The following DNAAF9 variants were observed in gnomAD, a reference collection of about 807,000 sequenced individuals.
The protein encoded by DNAAF9 is shulin.
A neutral mutation model predicts 167.0 loss-of-function variants in DNAAF9; 90 were observed. The observed-to-expected ratio is 0.54, with a 90% CI of 0.45 to 0.64. The LOEUF is 0.64. Among genes scored for constraint, DNAAF9 ranks in the 30% least tolerant of loss-of-function variants. The pLI, the probability that DNAAF9 is intolerant of heterozygous loss-of-function variation, is 0.00. For synonymous variants in DNAAF9, 491 were observed against 508.8 expected, an observed-to-expected ratio of 0.96 and a Z score of 0.47; for missense variants, 1,315 against 1,442.2, an observed-to-expected ratio of 0.91 and a Z score of 1.43.
chr20:3,381,078 T>G (rs912658362), intron 3 of DNAAF9, among the ~76,000 whole-genome samples: 5 of 152,206 alleles, frequency 3.3e-5, no homozygotes, highest in African/African-American at 9.6e-5. Flanking sequence ...ACCGTTAGCA[T>G]GTAGAGGCAA....
rs572882898 is a variant in DNAAF9, at chr20:3,362,994, C to T, written c.613-3401G>A. Among the ~76,000 whole-genome samples the T allele has an allele frequency of 9.9e-5, 15 of 151,908 alleles. No homozygotes were observed. The South Asian group carries it at 3.1e-3, about 32-fold the overall frequency. On this transcript the variant is annotated intron_variant, in intron 6 of 36. Transcript: ENST00000252032. ...TTGTAATCCCAGCAATTTGGGAGGC[C>T]GAGGCGGGCAGATCACCTCAGGTCA...
chr20:3,341,627 T>C (rs1243890551), intron 9 of DNAAF9, among the ~76,000 whole-genome samples: 1 of 152,190 alleles, frequency 6.6e-6, no homozygotes, highest in Non-Finnish European at 1.5e-5. Flanking sequence ...AAAGCCTTCC[T>C]ATTTAACCAT....
At chr20:3,323,172 A>T (rs1262717609) in intron 14 of DNAAF9, among the ~76,000 whole-genome samples, 4 of 149,696 alleles carry the variant, frequency 2.7e-5, no homozygotes, top group Non-Finnish European at 5.9e-5. Context: ...CTAGATAGCT[A>T]CACACTAATT....
At chr20:3,271,959 T>C (rs2068601966) in intron 29 of DNAAF9, among the ~76,000 whole-genome samples, 1 of 151,928 alleles carries the variant, frequency 6.6e-6, no homozygotes, top group Non-Finnish European at 1.5e-5. Context: ...CATACACAAC[T>C]AGAAAAATAG....
intron 12 of DNAAF9, among the ~76,000 whole-genome samples, chr20:3,329,288 C>T (rs560253209): frequency 6.6e-6 from 1 of 152,312 alleles, no homozygotes; most frequent in South Asian, 2.1e-4. Context: ...CTGCCTCAGC[C>T]TCCCAAGTAG....
intron 15 of DNAAF9, 44 bp downstream of exon 15, chr20:3,322,608 T>C (rs1555791967): frequency 2.7e-6 from 4 of 1,471,316 alleles, no homozygotes; most frequent in South Asian, 1.1e-5. Context: ...TTTATCTTCC[T>C]AAAACTTGCT....
chr20:3,346,789 G>T (rs756438161), intron 8 of DNAAF9, among the ~76,000 whole-genome samples: 1 of 152,120 alleles, frequency 6.6e-6, no homozygotes, highest in Non-Finnish European at 1.5e-5. Flanking sequence ...AGTATACCTT[G>T]TGGAATCTCT....
intron 9 of DNAAF9, among the ~76,000 whole-genome samples, chr20:3,341,427 C>A (rs2070083434): frequency 6.6e-6 from 1 of 152,162 alleles, no homozygotes. Flanking sequence ...CACCTGGTCT[C>A]CGAATAGTCC....
chr20:3,383,259 C>T (rs2083686739), intron 1 of DNAAF9, among the ~76,000 whole-genome samples: 1 of 148,174 alleles, frequency 6.7e-6, no homozygotes, highest in African/African-American at 2.5e-5. Context: ...CTCTAATACT[C>T]ATTCCCTAAC....
At position 3,333,912 on chromosome 20, in the gene DNAAF9, T is replaced by C. The variant is rs60905448; in HGVS notation, c.982-1551A>G. The stretch of plus-strand genomic sequence containing the variant: ...TTTCTCTCAGGAAAGAACTTTGGAT[T>C]GTCTTAAGTAGTTAAAATAAGTAAC... On this transcript the variant is annotated intron_variant, in intron 10 of 36. Transcript: ENST00000252032. Among the ~76,000 whole-genome samples, 158 of 152,328 alleles carry C rather than the reference T, an allele frequency of 1.0e-3. 2 individuals are homozygous for C. The East Asian group carries it at 0.028, about 27-fold the overall frequency.
At chr20:3,387,571 T>C (rs1414835100) in intron 1 of DNAAF9, among the ~76,000 whole-genome samples, 1 of 152,132 alleles carries the variant, frequency 6.6e-6, no homozygotes, top group Non-Finnish European at 1.5e-5. Flanking sequence ...CTTTGTGACA[T>C]TCGATTTGGC....
At chr20:3,368,593 A>C (rs1305866385) in intron 6 of DNAAF9, among the ~76,000 whole-genome samples, 1 of 149,956 alleles carries the variant, frequency 6.7e-6, no homozygotes, top group African/African-American at 2.5e-5. Context: ...GCTCACTGAA[A>C]GCTCCGCCAC....
intron 2 of DNAAF9, among the ~76,000 whole-genome samples, 199 bp from the exon 3 acceptor site, chr20:3,381,697 G>A (rs1397579659): frequency 6.6e-6 from 1 of 152,116 alleles, no homozygotes; most frequent in Non-Finnish European, 1.5e-5. Flanking sequence ...GAATTCCAAC[G>A]TCTTGTAATT....
At position 3,293,666 on chromosome 20, in the gene DNAAF9, C is replaced by CAAAAAAAAA. The variant is rs71195830; in HGVS notation, c.2238+464_2238+472dup. ...CGCCAGTGCACTCCAGCCTGGGTGA[C>CAAAAAAAAA]AAAAAAAAAAAAAAAAAAAAAAAAT... On this transcript the variant is annotated intron_variant, in intron 25 of 36. Coordinates refer to ENST00000252032, the MANE Select transcript of DNAAF9 (RefSeq NM_001009984.3). Among the ~76,000 whole-genome samples, 2 of 85,598 alleles carry CAAAAAAAAA rather than the reference C, an allele frequency of 2.3e-5. 1 individual carries two copies. Among genetic ancestry groups the CAAAAAAAAA allele is most frequent in the African/African-American group, 8.4e-5 (2 of 23,736 alleles). 56.2% of individuals were successfully genotyped at this position (85,598 alleles called of 152,430 possible). A position where few individuals can be genotyped will look rare whatever the true frequency, so the allele number is the denominator to read the frequency against.
chr20:3,313,328 A>G (rs2069446354), intron 20 of DNAAF9, among the ~76,000 whole-genome samples: 1 of 152,250 alleles, frequency 6.6e-6, no homozygotes, highest in African/African-American at 2.4e-5. Flanking sequence ...CTCCAGCAGT[A>G]TGTGGATAGA....
intron 7 of DNAAF9, among the ~76,000 whole-genome samples, chr20:3,351,499 A>T (rs1305346151): frequency 4.6e-5 from 7 of 152,066 alleles, no homozygotes; most frequent in African/African-American, 7.2e-5. Flanking sequence ...AAAAAAAAAA[A>T]TTTCAACTGA....
At chr20:3,404,710 T>C (rs74502769) in intron 1 of DNAAF9, among the ~76,000 whole-genome samples, 6,579 of 152,274 alleles carry the variant, frequency 0.043, 207 homozygotes, top group African/African-American at 0.089. Flanking sequence ...AGAGTACTTG[T>C]TGCATAATTT....
intron 16 of DNAAF9, among the ~76,000 whole-genome samples, chr20:3,319,652 C>G (rs912023274): frequency 1.3e-5 from 2 of 152,174 alleles, no homozygotes; most frequent in South Asian, 4.2e-4. Flanking sequence ...CTGTCCCACC[C>G]CTTAGGACAG....
At chr20:3,301,732 T>C (rs2069192921) in intron 21 of DNAAF9, among the ~76,000 whole-genome samples, 2 of 152,134 alleles carry the variant, frequency 1.3e-5, no homozygotes, top group Admixed American at 6.5e-5. Flanking sequence ...TTACATATGA[T>C]AGCAGGAGGT....
Sources: allele counts gnomAD v4.1 joint callset (sites outside exome capture counted in the v4.1 genomes callset), GRCh38; gene constraint gnomAD v4.1.1; transcripts MANE v1.5; gene names NCBI Gene and HGNC (gene_info 2026-07-23, HGNC 2026-07-21).